Variants in CNTNAP2 observed in about 807,000 individuals in gnomAD.
CNTNAP2 encodes contactin associated protein 2.
CNTNAP2 carries 98 observed loss-of-function variants against 155.2 expected under a neutral mutation model. That is an observed-to-expected ratio of 0.63 (90% CI 0.54 to 0.75). The LOEUF is 0.75. Ranked by LOEUF, CNTNAP2 falls within the 30% of genes least tolerant of loss-of-function variation. The pLI, the probability that CNTNAP2 is intolerant of heterozygous loss-of-function variation, is 0.00. For synonymous variants in CNTNAP2, 651 were observed against 631.2 expected, an observed-to-expected ratio of 1.03 and a Z score of -0.47; for missense variants, 1,727 against 1,688.1, an observed-to-expected ratio of 1.02 and a Z score of -0.40.
intron 13 of CNTNAP2, among the ~76,000 whole-genome samples, chr7:147,902,442 G>T (rs1444136948): frequency 6.6e-6 from 1 of 152,152 alleles, no homozygotes; most frequent in Non-Finnish European, 1.5e-5. Context: ...TTGGGTAACA[G>T]GTAGTATTTG....
chr7:146,708,857 G>C (rs1173981406), intron 1 of CNTNAP2, among the ~76,000 whole-genome samples: 1 of 151,726 alleles, frequency 6.6e-6, no homozygotes, highest in African/African-American at 2.4e-5. Context: ...CAAAGTGCTG[G>C]GATTACAGGC....
rs144099452 is a variant in CNTNAP2, at chr7:146,598,141, C to T, written c.98-176130C>T. Among the ~76,000 whole-genome samples the T allele has an allele frequency of 2.0e-5, 3 of 152,220 alleles. 1 individual carries two copies. Among genetic ancestry groups the T allele is most frequent in the African/African-American group, 7.2e-5 (3 of 41,560 alleles). On this transcript the variant is annotated intron_variant, in intron 1 of 23. Coordinates refer to ENST00000361727, the MANE Select transcript of CNTNAP2 (RefSeq NM_014141.6). ...AACATGCAACTTTGATGACTTGTCT[C>T]ACTGTGTTTCACGACCATTGAATTA...
At chr7:146,242,732 G>A (rs1378069708) in intron 1 of CNTNAP2, among the ~76,000 whole-genome samples, 2 of 152,106 alleles carry the variant, frequency 1.3e-5, no homozygotes, top group Non-Finnish European at 2.9e-5. Flanking sequence ...ACAAATATCA[G>A]TGTATTAGCC....
chr7:147,274,660 A>G (rs1172015906), intron 8 of CNTNAP2, among the ~76,000 whole-genome samples: 1 of 152,106 alleles, frequency 6.6e-6, no homozygotes, highest in Non-Finnish European at 1.5e-5. Flanking sequence ...TTTGGTGTGC[A>G]GAAACTTTTT....
intron 15 of CNTNAP2, among the ~76,000 whole-genome samples, chr7:148,046,201 C>T (rs996081116): frequency 6.6e-6 from 1 of 152,130 alleles, no homozygotes; most frequent in Non-Finnish European, 1.5e-5. Context: ...CCATTTCAGC[C>T]TTCCAAAGTG....
At chr7:146,252,701 T>C (rs963080962) in intron 1 of CNTNAP2, among the ~76,000 whole-genome samples, 3 of 152,150 alleles carry the variant, frequency 2.0e-5, no homozygotes, top group African/African-American at 4.8e-5. Context: ...AGGCCAGTTA[T>C]GTTTTAGGAT....
intron 10 of CNTNAP2, among the ~76,000 whole-genome samples, chr7:147,421,576 C>A (rs1281559271): frequency 2.7e-5 from 2 of 73,412 alleles, no homozygotes; most frequent in African/African-American, 5.8e-5. Context: ...CCTGGTATGT[C>A]TATCTAATCT....
chr7:146,844,973 A>C (rs2129201728), intron 3 of CNTNAP2, among the ~76,000 whole-genome samples: 1 of 152,278 alleles, frequency 6.6e-6, no homozygotes, highest in Non-Finnish European at 1.5e-5. Flanking sequence ...CTTATCAAGA[A>C]TATAGGGATA....
intron 8 of CNTNAP2, among the ~76,000 whole-genome samples, chr7:147,152,120 C>A (rs962517991): frequency 1.3e-5 from 2 of 152,040 alleles, no homozygotes; most frequent in Admixed American, 6.6e-5. Context: ...CCAGCCTAAG[C>A]AGTTTATAGC....
intron 13 of CNTNAP2, among the ~76,000 whole-genome samples, chr7:147,877,345 A>G (rs1328562563): frequency 6.6e-6 from 1 of 152,178 alleles, no homozygotes; most frequent in Admixed American, 6.5e-5. Flanking sequence ...TCCATGTGTA[A>G]TAGCTGCTAT....
At chr7:146,203,969 A>G (rs1454767280) in intron 1 of CNTNAP2, among the ~76,000 whole-genome samples, 2 of 152,164 alleles carry the variant, frequency 1.3e-5, no homozygotes, top group Non-Finnish European at 2.9e-5. Flanking sequence ...TAAATTATAT[A>G]CTGTACCTTT....
intron 1 of CNTNAP2, among the ~76,000 whole-genome samples, chr7:146,537,780 T>C (rs1379937215): frequency 2.6e-5 from 4 of 151,986 alleles, no homozygotes; most frequent in Non-Finnish European, 5.9e-5. Flanking sequence ...TTGGCCAGGT[T>C]TGAGCTATAA....
intron 13 of CNTNAP2, among the ~76,000 whole-genome samples, chr7:147,770,756 C>T (rs1224516615): frequency 6.6e-6 from 1 of 152,092 alleles, no homozygotes; most frequent in Non-Finnish European, 1.5e-5. Flanking sequence ...GAAAACTGAA[C>T]ATTTTAATGA....
At chr7:148,038,813 AGGATGGATGGATAGATGGATGGATGGAT>A (rs1802617070) in intron 15 of CNTNAP2, among the ~76,000 whole-genome samples, 1 of 147,676 alleles carries the variant, frequency 6.8e-6, no homozygotes, top group African/African-American at 2.5e-5. Context: ...GAGAAGCAAT[AGGATGGATGGATAGATGGATGGATGGAT>A]GGATGGATGG....
At chr7:146,743,643 G>A (rs1801757769) in intron 1 of CNTNAP2, among the ~76,000 whole-genome samples, 2 of 151,790 alleles carry the variant, frequency 1.3e-5, no homozygotes, top group Non-Finnish European at 2.9e-5. Flanking sequence ...AAGTGTCTGA[G>A]TAAAGTTACA....
chr7:147,839,010 A>G (rs528869615), intron 13 of CNTNAP2, among the ~76,000 whole-genome samples: 5 of 152,312 alleles, frequency 3.3e-5, no homozygotes, highest in African/African-American at 1.2e-4. Context: ...GCCACCTGCA[A>G]GCTGAGGGGC....
intron 11 of CNTNAP2, chr7:147,496,761 A>G (rs184058942): frequency 1.3e-5 from 2 of 151,966 alleles, no homozygotes; most frequent in Admixed American, 1.3e-4. Flanking sequence ...AGAAATTCTG[A>G]AAGTTGAATT....
intron 3 of CNTNAP2, among the ~76,000 whole-genome samples, chr7:147,013,742 C>A (rs553261362): frequency 6.6e-6 from 1 of 152,130 alleles, no homozygotes; most frequent in South Asian, 2.1e-4. Flanking sequence ...ATTTTCTTAC[C>A]GTTTAACTCT....
chr7:147,387,766 T>G (rs1265241100), intron 9 of CNTNAP2, among the ~76,000 whole-genome samples: 3 of 152,204 alleles, frequency 2.0e-5, no homozygotes, highest in African/African-American at 7.2e-5. Context: ...GTATTTACCC[T>G]ATTGTGCTAT....
Sources: allele counts gnomAD v4.1 joint callset (sites outside exome capture counted in the v4.1 genomes callset), GRCh38; gene constraint gnomAD v4.1.1; transcripts MANE v1.5; gene names NCBI Gene and HGNC (gene_info 2026-07-23, HGNC 2026-07-21).